PDE10A: variants seen among roughly 807,000 people sequenced by gnomAD.
PDE10A encodes cAMP and cAMP-inhibited cGMP 3',5'-cyclic phosphodiesterase 10A.
PDE10A carries 39 observed loss-of-function variants against 97.7 expected under a neutral mutation model. The observed-to-expected ratio is 0.40, with a 90% CI of 0.31 to 0.52. PDE10A has a LOEUF of 0.52. Ranked by LOEUF, PDE10A falls within the 20% of genes least tolerant of loss-of-function variation. The pLI, the probability that PDE10A is intolerant of heterozygous loss-of-function variation, is 0.56. For synonymous variants in PDE10A, 371 were observed against 376.8 expected, an observed-to-expected ratio of 0.98 and a Z score of 0.18; for missense variants, 731 against 1,047.8, an observed-to-expected ratio of 0.70 and a Z score of 4.17.
At chr6:165,750,763 A>G (rs1216095631) in intron 1 of PDE10A, among the ~76,000 whole-genome samples, 4 of 151,834 alleles carry the variant, frequency 2.6e-5, no homozygotes, top group African/African-American at 9.7e-5. Context: ...CTTTTGACTC[A>G]CCTCTGAGAT....
intron 1 of PDE10A, chr6:165,781,575 G>A (rs9459506): frequency 0.36 from 54,127 of 152,094 alleles, 9,817 homozygotes; most frequent in Admixed American, 0.42. Context: ...ACATGGCAAA[G>A]GAGACTTTGC....
chr6:165,407,381 A>AT (rs141096653), intron 13 of PDE10A, among the ~76,000 whole-genome samples: 3 of 151,792 alleles, frequency 2.0e-5, no homozygotes, highest in Admixed American at 6.6e-5. Flanking sequence ...CTATACATCC[A>AT]TTTTTTTTCT....
intron 5 of PDE10A, among the ~76,000 whole-genome samples, chr6:165,446,518 CA>C (rs1193089785): frequency 6.6e-6 from 1 of 152,002 alleles, no homozygotes. Flanking sequence ...ATAGAGTGAG[CA>C]AAACACAGTA....
chr6:165,731,029 G>A (rs1172068277), intron 1 of PDE10A, among the ~76,000 whole-genome samples: 2 of 152,214 alleles, frequency 1.3e-5, no homozygotes, highest in Non-Finnish European at 2.9e-5. Flanking sequence ...CTGGGCGACA[G>A]TGAGACTCCG....
At chr6:165,424,226 G>C (rs1788946911) in intron 10 of PDE10A, among the ~76,000 whole-genome samples, 1 of 152,124 alleles carries the variant, frequency 6.6e-6, no homozygotes, top group South Asian at 2.1e-4. Flanking sequence ...CAAGCTTTCA[G>C]GGCACTGTTA....
At chr6:165,381,672 G>A (rs1285978324) in intron 17 of PDE10A, among the ~76,000 whole-genome samples, 3 of 142,438 alleles carry the variant, frequency 2.1e-5, no homozygotes, top group Admixed American at 1.5e-4. Flanking sequence ...TAGTAGAGAC[G>A]GAGTTTCACC....
chr6:165,522,549 T>A (rs1385723218), intron 2 of PDE10A, among the ~76,000 whole-genome samples: 1 of 151,688 alleles, frequency 6.6e-6, no homozygotes, highest in African/African-American at 2.4e-5. Flanking sequence ...TACAGAAAAG[T>A]TTCAATAAAA....
At chr6:165,922,370 C>G (rs76429375) in intron 1 of PDE10A, among the ~76,000 whole-genome samples, 1 of 152,068 alleles carries the variant, frequency 6.6e-6, no homozygotes, top group Non-Finnish European at 1.5e-5. Flanking sequence ...CCCTGCTGTC[C>G]GCTCCTCTTA....
At chr6:165,380,690 T>C (rs1177670154) in intron 17 of PDE10A, among the ~76,000 whole-genome samples, 1 of 152,218 alleles carries the variant, frequency 6.6e-6, no homozygotes, top group African/African-American at 2.4e-5. Context: ...GATGAGCCGT[T>C]TGAGCATAGG....
chr6:165,443,557 G>A (rs1790627058), intron 5 of PDE10A, among the ~76,000 whole-genome samples: 3 of 152,180 alleles, frequency 2.0e-5, no homozygotes, highest in Admixed American at 2.0e-4. Context: ...CAGGACAGTG[G>A]CCCTCTTCTC....
intron 1 of PDE10A, among the ~76,000 whole-genome samples, chr6:165,958,747 G>GAAAGAAACAAAGAAAGAA: frequency 9.4e-6 from 1 of 106,230 alleles, no homozygotes; most frequent in East Asian, 3.4e-4. Flanking sequence ...AAGAAAGAAA[G>GAAAGAAACAAAGAAAGAA]AGAAAGAAAG....
chr6:165,457,999 T>C (rs540093144), intron 3 of PDE10A, among the ~76,000 whole-genome samples: 2 of 152,196 alleles, frequency 1.3e-5, no homozygotes, highest in South Asian at 4.1e-4. Flanking sequence ...AGGCCAACAA[T>C]AAACAAGAAG....
intron 1 of PDE10A, among the ~76,000 whole-genome samples, chr6:165,742,517 T>A (rs1792751413): frequency 1.3e-5 from 2 of 152,122 alleles, no homozygotes; most frequent in Non-Finnish European, 2.9e-5. Flanking sequence ...TTGAAGGCTC[T>A]AACTTATCAA....
intron 2 of PDE10A, among the ~76,000 whole-genome samples, chr6:165,488,907 G>A (rs1239218698): frequency 6.6e-6 from 1 of 152,098 alleles, no homozygotes; most frequent in African/African-American, 2.4e-5. Flanking sequence ...CCGCACAGCA[G>A]TCACAGCAAC....
chr6:165,624,050 C>T (rs369404086), intron 1 of PDE10A, among the ~76,000 whole-genome samples: 10 of 152,340 alleles, frequency 6.6e-5, no homozygotes, highest in African/African-American at 2.2e-4. Context: ...TCAAACTCTG[C>T]TTCTGTCATT....
chr6:165,891,950 C>A (rs1319860866), intron 1 of PDE10A, among the ~76,000 whole-genome samples: 1 of 60,526 alleles, frequency 1.7e-5, no homozygotes, highest in African/African-American at 6.1e-5. Context: ...ACACCTTGGA[C>A]TTTTTTTTTT....
chr6:165,645,685 C>G (rs955577893), intron 1 of PDE10A, among the ~76,000 whole-genome samples: 9 of 151,838 alleles, frequency 5.9e-5, no homozygotes, highest in Non-Finnish European at 1.3e-4. Context: ...GAAACCCTAT[C>G]TCTACTAAAA....
chr6:165,869,355 A>G (rs951913123), intron 1 of PDE10A, among the ~76,000 whole-genome samples: 2 of 13,054 alleles, frequency 1.5e-4, no homozygotes, highest in South Asian at 6.0e-3. Context: ...CTACAAAAGA[A>G]AAAAAAAACT....
chr6:165,335,481 C>T (rs1187830505), intron 21 of PDE10A, among the ~76,000 whole-genome samples: 1 of 152,124 alleles, frequency 6.6e-6, no homozygotes, highest in East Asian at 1.9e-4. Context: ...AGACACTCTT[C>T]ACATATACAT....
Sources: gnomAD v4.1 joint callset for allele counts (sites outside exome capture counted in the v4.1 genomes callset) on GRCh38, gnomAD v4.1.1 for gene constraint, MANE v1.5 for transcripts, NCBI Gene and HGNC (gene_info 2026-07-23, HGNC 2026-07-21) for gene names.